CLGN: variants seen among roughly 807,000 people sequenced by gnomAD.
CLGN encodes the protein testis tissue sperm-binding protein Li 79P.
CLGN carries 62 observed loss-of-function variants against 79.1 expected under a neutral mutation model. The observed-to-expected ratio is 0.78, with a 90% CI of 0.64 to 0.97. The LOEUF (loss-of-function observed/expected upper bound fraction) is 0.97, where lower values mean the gene tolerates loss of function less well. Among genes scored for constraint, CLGN ranks in the 50% least tolerant of loss-of-function variants. The pLI is 0.00. For missense variants in CLGN, 647 were observed against 715.5 expected, an observed-to-expected ratio of 0.90 and a Z score of 1.09; for synonymous variants, 225 against 224.7, an observed-to-expected ratio of 1.00 and a Z score of -0.01.
chr4:140,423,485 T>G (rs771596043), intron 1 of CLGN, among the ~76,000 whole-genome samples: 5 of 152,254 alleles, frequency 3.3e-5, no homozygotes, highest in Non-Finnish European at 7.3e-5. Context: ...GGAATATTGC[T>G]CTGTAGTTTT....
intron 6 of CLGN, among the ~76,000 whole-genome samples, chr4:140,400,849 G>A (rs1481417447): frequency 6.6e-6 from 1 of 151,996 alleles, no homozygotes; most frequent in Non-Finnish European, 1.5e-5. Flanking sequence ...TATTTTTATT[G>A]AGAGAATTAG....
At chr4:140,390,750 A>C in intron 13 of CLGN, 22 bp from the exon 14 acceptor site, 1 of 1,502,472 alleles carries the variant, frequency 6.7e-7, no homozygotes, top group Non-Finnish European at 9.1e-7. Flanking sequence ...ATTTTGTTAA[A>C]AGCAAAGACT....
intron 8 of CLGN, among the ~76,000 whole-genome samples, chr4:140,398,398 T>C (rs1435469966): frequency 6.6e-6 from 1 of 150,908 alleles, no homozygotes; most frequent in South Asian, 2.1e-4. Flanking sequence ...GCCTCCCGAG[T>C]AGCTGGGATT....
intron 4 of CLGN, among the ~76,000 whole-genome samples, chr4:140,406,980 C>T (rs924926507): frequency 6.6e-6 from 1 of 152,108 alleles, no homozygotes; most frequent in Admixed American, 6.6e-5. Context: ...CATTAATGAG[C>T]ACTTTTGAAT....
intron 1 of CLGN, among the ~76,000 whole-genome samples, chr4:140,421,235 G>A (rs1179743273): frequency 6.6e-6 from 1 of 152,060 alleles, no homozygotes; most frequent in Non-Finnish European, 1.5e-5. Context: ...CCACCTGTTG[G>A]CTGTTGTGAA....
Position 140,390,689 on chromosome 4 carries a change from A to T in CLGN, c.1691T>A (p.Ile564Asn). The T allele has an allele frequency of 1.2e-6, 2 of 1,604,900 alleles. No individual in the cohort carries two copies. The highest frequency in any genetic ancestry group is 1.7e-6 in the Non-Finnish European group (2 of 1,174,764). The change falls in exon 14 of 15, where the codon ATT (isoleucine) becomes AAT (asparagine). Residue 564 changes from isoleucine (I) to asparagine (N), a missense_variant. Ile to Asn is a moderately radical substitution (Grantham distance 149). Coordinates refer to ENST00000325617, the MANE Select transcript of CLGN (RefSeq NM_004362.3). ...SEPEEKSEEE[I>N]EIIEGQEESN... Reference sequence around the variant, plus strand: ...TTCTTCTTGCCCTTCTATGATTTCAATTTCTTCTTCACTCTTTTCCTCAGG... The same window carrying T: ...TTCTTCTTGCCCTTCTATGATTTCATTTTCTTCTTCACTCTTTTCCTCAGG...
intron 1 of CLGN, among the ~76,000 whole-genome samples, chr4:140,417,945 C>T (rs1303856084): frequency 6.6e-6 from 1 of 152,132 alleles, no homozygotes; most frequent in Non-Finnish European, 1.5e-5. Context: ...TACCTGACTT[C>T]AAACTATACT....
At chr4:140,402,644 A>T (rs1212361216) in intron 5 of CLGN, among the ~76,000 whole-genome samples, 1 of 152,146 alleles carries the variant, frequency 6.6e-6, no homozygotes, top group Non-Finnish European at 1.5e-5. Context: ...TTCACTGTTT[A>T]GTATAACAGC....
intron 8 of CLGN, among the ~76,000 whole-genome samples, chr4:140,397,963 G>C (rs1293576097): frequency 6.6e-6 from 1 of 152,064 alleles, no homozygotes; most frequent in East Asian, 1.9e-4. Context: ...TAAACATAAA[G>C]TACTGAACTA....
chr4:140,393,855 A>T lies in CLGN; in HGVS notation c.1336T>A (p.Trp446Arg). 1.2e-6 allele frequency: 2 copies of T among 1,613,654 alleles called. No homozygotes were observed. Among genetic ancestry groups the T allele is most frequent in the East Asian group, 2.2e-5 (1 of 44,802 alleles). The change falls in exon 11 of 15, where the codon TGG becomes AGG. Residue 446 changes from tryptophan to arginine, a missense_variant. Coordinates refer to ENST00000325617, the MANE Select transcript of CLGN (RefSeq NM_004362.3). ...ADHWAADGWR[W>R]KIMIANANKP... ...TTAGCATTTGCTATCATTATTTTCC[A>T]TCTCCAACCATCTGCAGCCCAGTGA...
At position 140,406,046 on chromosome 4, in the gene CLGN, T is replaced by C. The variant is rs1310832370; in HGVS notation, c.315A>G (p.Val105=). 1.2e-6 allele frequency: 2 copies of C among 1,612,990 alleles called. No homozygotes were observed. The highest frequency in any genetic ancestry group is 2.2e-5 in the East Asian group (1 of 44,754). ...TTAATACCAGTCCTCTGTCACCAGG[T>C]ACCTGGTTTTCTTTCAACTCTTCAA... ...WEIEELKENQ[V]PGDRGLVLKS... The change falls in exon 5 of 15, where the codon GTA becomes GTG. Residue 105 remains valine (V), a synonymous_variant. Transcript: ENST00000325617.
chr4:140,398,422 G>A (rs1728934934), intron 8 of CLGN, among the ~76,000 whole-genome samples: 4 of 151,554 alleles, frequency 2.6e-5, no homozygotes, highest in South Asian at 2.1e-4. Flanking sequence ...GGCACCCGCC[G>A]CCATGCCCGC....
chr4:140,412,957 T>A lies in CLGN; in HGVS notation c.122A>T (p.Asn41Ile). The stretch of plus-strand genomic sequence containing the variant: ...TACCTCTGAGGAAAGTTCACTTTCA[T>A]TAACATCAATTTCTTCTGAATTTTC... ...FEENSEEIDV[N>I]ESELSSEIKY... is the part of the protein sequence containing the mutation. Residue 41 changes from asparagine (N) to isoleucine (I), a missense_variant, in exon 2 of 15, where the codon AAT (asparagine) becomes ATT (isoleucine). Physicochemically the swap from Asn to Ile is moderately radical, Grantham distance 149. Transcript: ENST00000325617. The A allele has an allele frequency of 1.2e-6, 2 of 1,613,396 alleles. No individual in the cohort carries two copies. The highest frequency in any genetic ancestry group is 1.7e-6 in the Non-Finnish European group (2 of 1,179,638).
intron 1 of CLGN, among the ~76,000 whole-genome samples, chr4:140,420,935 T>C (rs1447117831): frequency 6.6e-6 from 1 of 152,256 alleles, no homozygotes; most frequent in East Asian, 1.9e-4. Context: ...ACTAAAACGC[T>C]ATACACTTTT....
intron 1 of CLGN, among the ~76,000 whole-genome samples, chr4:140,413,768 C>T (rs549770766): frequency 5.1e-4 from 78 of 152,282 alleles, no homozygotes; most frequent in African/African-American, 1.6e-3. Context: ...AAGGCGGCAG[C>T]GAGGCTGGGG....
Position 140,389,284 on chromosome 4 carries a change from G to A in CLGN, c.1773C>T (p.Ser591=), listed in dbSNP as rs368528023. Reference sequence around the variant, plus strand: ...TTATCGGCCCATCTCCAGATCCTGTGCTCTCATCTGCTTCTTTCATCTAGA... The same window carrying A: ...TTATCGGCCCATCTCCAGATCCTGTACTCTCATCTGCTTCTTTCATCTAGA... ...SEDEMKEADE[S]TGSGDGPIKS... The change falls in exon 15 of 15, where the codon AGC becomes AGT. Residue 591 remains serine (S), a synonymous_variant. Transcript: ENST00000325617. The A allele has an allele frequency of 1.9e-6, 3 of 1,611,938 alleles. No individual in the cohort carries two copies. The African/African-American group carries it at 4.0e-5, about 22-fold the overall frequency.
At chr4:140,406,858 T>C (rs189794153) in intron 4 of CLGN, among the ~76,000 whole-genome samples, 17 of 152,352 alleles carry the variant, frequency 1.1e-4, no homozygotes, top group African/African-American at 3.1e-4. Flanking sequence ...AATCAACTTA[T>C]ATTTGTTTGT....
chr4:140,421,912 T>C (rs1729478105), intron 1 of CLGN, among the ~76,000 whole-genome samples: 1 of 152,146 alleles, frequency 6.6e-6, no homozygotes, highest in Admixed American at 6.5e-5. Context: ...AGTTTTATAG[T>C]TTTCTTATGT....
chr4:140,420,611 TATCA>T (rs1729452719), intron 1 of CLGN, among the ~76,000 whole-genome samples: 1 of 152,094 alleles, frequency 6.6e-6, no homozygotes, highest in Admixed American at 6.6e-5. Context: ...TGCAGTATCC[TATCA>T]TTCTTCAGTG....
Sources: allele counts gnomAD v4.1 joint callset (sites outside exome capture counted in the v4.1 genomes callset), GRCh38; gene constraint gnomAD v4.1.1; transcripts MANE v1.5; gene names NCBI Gene and HGNC (gene_info 2026-07-23, HGNC 2026-07-21).